UTP4: variants seen among roughly 807,000 people sequenced by gnomAD.
UTP4 encodes the protein UTP4 small subunit processome component.
In UTP4, 45 loss-of-function variants were observed where a neutral mutation model predicts 82.4. The ratio of observed to expected loss-of-function variants is 0.55; its 90% CI spans 0.43 to 0.70. The LOEUF is 0.70. Among genes scored for constraint, UTP4 ranks in the 30% least tolerant of loss-of-function variants. The pLI is 0.00. For synonymous variants in UTP4, 348 were observed against 300.3 expected (o/e 1.16, Z -1.64); for missense variants, 819 against 858.3 (o/e 0.95, Z 0.57).
chr16:69,167,217 T>A (rs754825255), intron 16 of UTP4, 32 bp downstream of exon 16: 1 of 1,416,320 alleles, frequency 7.1e-7, no homozygotes, highest in Admixed American at 1.7e-5. Flanking sequence ...TTCTGGATAG[T>A]TGGTTCCTTT....
chr16:69,169,005 A>G lies in UTP4; in HGVS notation c.*68A>G, dbSNP rs74886619. 20,826 of 961,084 alleles carry G rather than the reference A, an allele frequency of 0.022. 318 individuals are homozygous for G. Among genetic ancestry groups the G allele is most frequent in the Non-Finnish European group, 0.028 (16,382 of 583,014 alleles). The allele number at this position is 961,084 out of a possible 1,614,324, so 59.5% of individuals were successfully genotyped here. A position where few individuals can be genotyped will look rare whatever the true frequency, so the allele number is the denominator to read the frequency against. ...TTGCTTTTCACAAATCATGGTAATA[A>G]AACAAGTTATTCTTGAGGACTAGTC... On this transcript the variant is annotated 3_prime_UTR_variant, in exon 17 of 17. Transcript: ENST00000314423.
In UTP4 at chr16:69,135,502, C is replaced by T. The variant is rs115426255; in HGVS notation, c.160-1194C>T. Among the ~76,000 whole-genome samples the T allele has an allele frequency of 4.9e-3, 743 of 152,132 alleles. 3 individuals are homozygous for T. The highest frequency in any genetic ancestry group is 0.017 in the African/African-American group (724 of 41,484). On this transcript the variant is annotated intron_variant, in intron 2 of 16. Coordinates refer to ENST00000314423, the MANE Select transcript of UTP4 (RefSeq NM_032830.3). ...CCAGGGCAGGTGGATCACTTGAGCC[C>T]AGGAGTGTAAGACCACCCTGGGCAA...
intron 4 of UTP4, 195 bp downstream of exon 4, chr16:69,138,080 GTAA>G: frequency 5.3e-6 from 3 of 568,868 alleles, no homozygotes; most frequent in Non-Finnish European, 9.3e-6. Flanking sequence ...GCTTGGTTAA[GTAA>G]TAATATAGAA....
chr16:69,160,251 G>A lies in UTP4; in HGVS notation c.1445-105G>A, dbSNP rs188294767. 3.5e-6 allele frequency: 3 copies of A among 851,744 alleles called. No homozygotes were observed. The South Asian group carries it at 4.0e-5, about 11-fold the overall frequency. 52.8% of individuals were successfully genotyped at this position (851,744 alleles called of 1,614,324 possible). A position where few individuals can be genotyped will look rare whatever the true frequency, so the allele number is the denominator to read the frequency against. The stretch of plus-strand genomic sequence containing the variant: ...GTGATCAGCAAATTATCCTGGCAGT[G>A]ATTTAAAACTCTAATGGTCTCCTTG... On this transcript the variant is annotated intron_variant, in intron 12 of 16. Transcript: ENST00000314423.
At chr16:69,142,367 A>C (rs769052586) in intron 5 of UTP4, 2 of 153,818 alleles carry the variant, frequency 1.3e-5, no homozygotes, top group Admixed American at 1.3e-4. Flanking sequence ...ACATTCAGTG[A>C]GAAATGTTCA....
chr16:69,134,155 C>A (rs1041503124), intron 2 of UTP4, among the ~76,000 whole-genome samples: 2 of 151,988 alleles, frequency 1.3e-5, no homozygotes, highest in Non-Finnish European at 2.9e-5. Context: ...TCTATTAGTC[C>A]TTTTTCTTCT....
chr16:69,147,082 C>T (rs1312653646), intron 6 of UTP4, among the ~76,000 whole-genome samples: 4 of 149,026 alleles, frequency 2.7e-5, no homozygotes, highest in African/African-American at 4.9e-5. Flanking sequence ...GAGGCTGAGG[C>T]GGGAGAATTG....
At position 69,151,131 on chromosome 16, in the gene UTP4, C is replaced by T. The variant is rs1161293282; in HGVS notation, c.1002+227C>T. On this transcript the variant is annotated intron_variant, in intron 8 of 16. Transcript: ENST00000314423. ...AAGCGATTCTCCTGCCTCAGCCTCCCGAGTAGCTGGGATTACAGGCATGCG... is the reference window on the plus strand; with the variant it reads ...AAGCGATTCTCCTGCCTCAGCCTCCTGAGTAGCTGGGATTACAGGCATGCG... Among the ~76,000 whole-genome samples, 11 of 152,024 alleles carry T rather than the reference C, an allele frequency of 7.2e-5. No homozygotes were observed. The East Asian group carries it at 1.4e-3, about 19-fold the overall frequency.
Position 69,133,539 on chromosome 16 carries a change from A to G in UTP4, c.80A>G (p.Gln27Arg). The change falls in exon 2 of 17, where the codon CAG (glutamine) becomes CGG (arginine). Residue 27 changes from glutamine (Q) to arginine (R), a missense_variant. Transcript: ENST00000314423. The stretch of plus-strand genomic sequence containing the variant: ...ATCCGCTGTGTGGCTTACAATAACC[A>G]GTCAAACAGATTGGCTGTTTCACGA... ...SGIRCVAYNN[Q>R]SNRLAVSRTD... The G allele has an allele frequency of 1.9e-6, 3 of 1,614,192 alleles. No homozygotes were observed. The highest frequency in any genetic ancestry group is 1.1e-5 in the South Asian group (1 of 91,086).
At chr16:69,148,456 C>T (rs1032452024) in intron 6 of UTP4, among the ~76,000 whole-genome samples, 1 of 149,932 alleles carries the variant, frequency 6.7e-6, no homozygotes, top group African/African-American at 2.5e-5. Flanking sequence ...TGGTCTCTAA[C>T]CCCGACCTCA....
Position 69,149,143 on chromosome 16 carries a change from G to C in UTP4, c.739-1394G>C, listed in dbSNP as rs113618895. Among the ~76,000 whole-genome samples, 413 of 152,172 alleles carry C rather than the reference G, an allele frequency of 2.7e-3. 3 individuals are homozygous for C. Among genetic ancestry groups the C allele is most frequent in the South Asian group, 4.8e-3 (23 of 4,818 alleles). ...CACCTGTAATCCCAGCACTTTGGGAGGCCGAGGAGGGTATATCCCCTAGGT... is the reference window on the plus strand; with the variant it reads ...CACCTGTAATCCCAGCACTTTGGGACGCCGAGGAGGGTATATCCCCTAGGT... On this transcript the variant is annotated intron_variant, in intron 6 of 16. Coordinates refer to ENST00000314423, the MANE Select transcript of UTP4 (RefSeq NM_032830.3).
rs1963021509 is a variant in UTP4, at chr16:69,143,359, TGCTGACGTGCAGTCCATTGCTGTA to T, written c.718_738+3del. On this transcript the variant is annotated inframe_deletion, in exon 6 of 17. Coordinates refer to ENST00000314423, the MANE Select transcript of UTP4 (RefSeq NM_032830.3). ...TTGTGAAGAGCCATCTCATCGCTAA[TGCTGACGTGCAGTCCATTGCTGTA>T]GCTGACGTGAGTACAGTCCCTGTTT... The T allele has an allele frequency of 1.9e-6, 3 of 1,614,052 alleles. No homozygotes were observed. Among genetic ancestry groups the T allele is most frequent in the Admixed American group, 3.3e-5 (2 of 59,998 alleles).
chr16:69,165,859 G>A (rs1283815571), intron 15 of UTP4: 8 of 434,500 alleles, frequency 1.8e-5, no homozygotes, highest in Admixed American at 3.5e-5. Context: ...ACCCTCATCC[G>A]GAAGTATCAT....
intron 16 of UTP4, among the ~76,000 whole-genome samples, chr16:69,167,998 G>A (rs543265282): frequency 2.0e-5 from 3 of 152,070 alleles, no homozygotes; most frequent in Non-Finnish European, 4.4e-5. Flanking sequence ...GGGTAACATC[G>A]AGATTCTGTC....
intron 6 of UTP4, 124 bp from the exon 7 acceptor site, chr16:69,150,413 A>G (rs942522714): frequency 3.7e-6 from 4 of 1,080,218 alleles, no homozygotes; most frequent in Non-Finnish European, 5.7e-6. Flanking sequence ...AGACCCTTGT[A>G]ACTTTCCTAC....
intron 6 of UTP4, among the ~76,000 whole-genome samples, chr16:69,150,080 C>G (rs1042061289): frequency 3.9e-5 from 6 of 152,138 alleles, no homozygotes; most frequent in Admixed American, 1.3e-4. Flanking sequence ...AACACCTGTT[C>G]TAGTTCCAAA....
intron 1 of UTP4, 30 bp downstream of exon 1, chr16:69,132,719 C>G: frequency 3.7e-6 from 1 of 273,248 alleles, no homozygotes; most frequent in Non-Finnish European, 7.3e-6. Flanking sequence ...TGGGAAGCGG[C>G]TGCGAGAGCT....
chr16:69,138,680 G>C (rs553354456), intron 4 of UTP4, among the ~76,000 whole-genome samples: 6 of 152,210 alleles, frequency 3.9e-5, no homozygotes, highest in Non-Finnish European at 8.8e-5. Context: ...TTCTGTAAAG[G>C]ACCAGATAGT....
chr16:69,162,640 A>G (rs1567381359), intron 13 of UTP4, among the ~76,000 whole-genome samples: 1 of 151,496 alleles, frequency 6.6e-6, no homozygotes, highest in Non-Finnish European at 1.5e-5. Context: ...TGAAACCGGA[A>G]GGTGGAGGTT....
Sources: allele counts gnomAD v4.1 joint callset (sites outside exome capture counted in the v4.1 genomes callset), GRCh38; gene constraint gnomAD v4.1.1; transcripts MANE v1.5; gene names NCBI Gene and HGNC (gene_info 2026-07-23, HGNC 2026-07-21).